CRYL1: variants seen among roughly 807,000 people sequenced by gnomAD.
The protein encoded by CRYL1 is lambda-crystallin homolog.
CRYL1 carries 29 observed loss-of-function variants against 36.6 expected under a neutral mutation model. The ratio of observed to expected loss-of-function variants is 0.79; its 90% CI spans 0.59 to 1.08. The LOEUF (loss-of-function observed/expected upper bound fraction) is 1.08. Among genes scored for constraint, CRYL1 ranks in the 50% least tolerant of loss-of-function variants. The probability of loss-of-function intolerance (pLI) is 0.00; values close to 1 mark genes in which losing one functional copy is unlikely to be tolerated. For missense variants in CRYL1, 411 were observed against 407.9 expected, an observed-to-expected ratio of 1.01 and a Z score of -0.06; for synonymous variants, 152 against 151.5, an observed-to-expected ratio of 1.00 and a Z score of -0.02.
intron 3 of CRYL1, among the ~76,000 whole-genome samples, chr13:20,440,939 G>A (rs903035766): frequency 3.9e-5 from 6 of 152,152 alleles, no homozygotes; most frequent in African/African-American, 1.4e-4. Context: ...GTCCACAGGC[G>A]AGGTGTTCCC....
At chr13:20,406,032 G>A (rs1371991895) in intron 6 of CRYL1, 1 of 152,390 alleles carries the variant, frequency 6.6e-6, no homozygotes, top group Non-Finnish European at 1.5e-5. Context: ...TTCTAGTCCT[G>A]GGCGCCATGG....
intron 3 of CRYL1, among the ~76,000 whole-genome samples, chr13:20,478,648 T>C (rs1453211267): frequency 3.3e-5 from 5 of 152,150 alleles, no homozygotes; most frequent in Admixed American, 2.0e-4. Context: ...ACTAATTTTT[T>C]GTATTTTTGG....
At chr13:20,516,583 C>T (rs1593503363) in intron 1 of CRYL1, among the ~76,000 whole-genome samples, 1 of 151,922 alleles carries the variant, frequency 6.6e-6, no homozygotes, top group East Asian at 2.0e-4. Context: ...GGGTTCACGC[C>T]ATTCTCCTGC....
intron 5 of CRYL1, chr13:20,431,417 C>T (rs2032056634): frequency 1.0e-6 from 1 of 985,278 alleles, no homozygotes; most frequent in Admixed American, 6.2e-5. Context: ...TGGGCAAGTG[C>T]CATAAGGGAG....
At chr13:20,465,949 A>G (rs1484488373) in intron 3 of CRYL1, among the ~76,000 whole-genome samples, 1 of 147,440 alleles carries the variant, frequency 6.8e-6, no homozygotes, top group Non-Finnish European at 1.5e-5. Flanking sequence ...GCTGGTTGAA[A>G]AAAAAAAAAA....
intron 1 of CRYL1, among the ~76,000 whole-genome samples, chr13:20,522,727 C>T (rs934667908): frequency 2.6e-5 from 4 of 152,092 alleles, no homozygotes; most frequent in African/African-American, 9.7e-5. Context: ...GCACCAGGAA[C>T]ATTTTGTGTT....
At chr13:20,446,109 TA>T (rs201457644) in intron 3 of CRYL1, among the ~76,000 whole-genome samples, 19 of 152,222 alleles carry the variant, frequency 1.2e-4, no homozygotes, top group Middle Eastern at 3.4e-3. Context: ...TTTAATTATT[TA>T]TTTTTTATTT....
At chr13:20,513,951 A>G (rs1252892936) in intron 1 of CRYL1, among the ~76,000 whole-genome samples, 15 of 151,912 alleles carry the variant, frequency 9.9e-5, no homozygotes, top group Admixed American at 3.9e-4. Context: ...GGCATGTCAA[A>G]GGGATAGGGG....
chr13:20,459,888 A>G (rs2032772302), intron 3 of CRYL1, among the ~76,000 whole-genome samples: 1 of 152,254 alleles, frequency 6.6e-6, no homozygotes. Flanking sequence ...CCGACACTGT[A>G]ACAAAATCAA....
chr13:20,477,966 C>T lies in CRYL1; in HGVS notation c.276+11404G>A, dbSNP rs865779885. 2.8e-3 allele frequency among the ~76,000 whole-genome samples: 378 copies of T among 137,428 alleles called. 1 individual carries two copies. The highest frequency in any genetic ancestry group is 7.8e-3 in the African/African-American group (287 of 36,878). The allele number at this position is 137,428 out of a possible 152,430, so 90.2% of individuals were successfully genotyped here. On this transcript the variant is annotated intron_variant, in intron 3 of 7. Coordinates refer to ENST00000298248, the MANE Select transcript of CRYL1 (RefSeq NM_015974.3). ...TTATCATTTTATAATATATATATTA[C>T]GTAGTTATATATATATATATGTATA... is the stretch of plus-strand genomic sequence containing the variant.
At chr13:20,508,876 C>CAAAACA (rs2033858757) in intron 2 of CRYL1, among the ~76,000 whole-genome samples, 6 of 41,422 alleles carry the variant, frequency 1.4e-4, no homozygotes, top group African/African-American at 5.2e-4. Context: ...AAAAAAAAAA[C>CAAAACA]AAAAAAAAAA....
At chr13:20,456,726 C>T (rs1405657756) in intron 3 of CRYL1, among the ~76,000 whole-genome samples, 3 of 151,912 alleles carry the variant, frequency 2.0e-5, no homozygotes, top group East Asian at 1.9e-4. Context: ...CTCTTCCTAG[C>T]CAGCTATGCT....
In CRYL1 at chr13:20,503,044, A is replaced by C. The variant is rs1413818332; in HGVS notation, c.149+9399T>G. 3.9e-5 allele frequency among the ~76,000 whole-genome samples: 6 copies of C among 152,188 alleles called. No homozygotes were observed. The East Asian group carries it at 1.2e-3, about 29-fold the overall frequency. ...CGGCCTCAGAATATGCAGCAAGATC[A>C]CTCGGAATCCTGCCGCCCAGAGTCA... On this transcript the variant is annotated intron_variant, in intron 2 of 7. Coordinates refer to ENST00000298248, the MANE Select transcript of CRYL1 (RefSeq NM_015974.3).
chr13:20,470,589 C>T (rs1565975226), intron 3 of CRYL1, among the ~76,000 whole-genome samples: 1 of 152,092 alleles, frequency 6.6e-6, no homozygotes. Flanking sequence ...TTCATTCCTC[C>T]CAGAGTCTCA....
Position 20,423,486 on chromosome 13 carries a change from TGTC to T in CRYL1, c.633+8613_633+8615del, listed in dbSNP as rs747445296. Among the ~76,000 whole-genome samples, 28 of 152,336 alleles carry T rather than the reference TGTC, an allele frequency of 1.8e-4. 1 individual carries two copies. The highest frequency in any genetic ancestry group is 3.4e-3 in the Middle Eastern group (1 of 294). On this transcript the variant is annotated intron_variant, in intron 5 of 7. Coordinates refer to ENST00000298248, the MANE Select transcript of CRYL1 (RefSeq NM_015974.3). ...TTTATTATAAAATGATGCTGAATGT[TGTC>T]GTGTGCTTTTTCTGCATCTGTTGAG... is the stretch of plus-strand genomic sequence containing the variant.
At chr13:20,405,722 A>C (rs1031298065) in intron 6 of CRYL1, among the ~76,000 whole-genome samples, 1 of 152,104 alleles carries the variant, frequency 6.6e-6, no homozygotes, top group Non-Finnish European at 1.5e-5. Context: ...GATTCTAAGG[A>C]GAGGGCCCTG....
rs1465643041 is a variant in CRYL1, at chr13:20,403,699, A to G, written c.*430T>C. The G allele has an allele frequency of 6.5e-6, 1 of 154,012 alleles. No homozygotes were observed. Among genetic ancestry groups the G allele is most frequent in the Admixed American group, 6.5e-5 (1 of 15,366 alleles). The allele number at this position is 154,012 out of a possible 1,614,324, so 9.5% of individuals were successfully genotyped here. ...AAGGAATCAAAAACTTTTATTCAGA[A>G]TAAGCGTTAGCAAAATGAAGGTAGG... On this transcript the variant is annotated 3_prime_UTR_variant, in exon 8 of 8. Transcript: ENST00000298248.
At chr13:20,491,099 G>A (rs922051852) in intron 2 of CRYL1, among the ~76,000 whole-genome samples, 2 of 151,988 alleles carry the variant, frequency 1.3e-5, no homozygotes, top group Admixed American at 1.3e-4. Context: ...TAGAGACGGG[G>A]TTTCGCCATG....
At position 20,414,967 on chromosome 13, in the gene CRYL1, G is replaced by C. The variant is rs376282819; in HGVS notation, c.634-1580C>G. Among the ~76,000 whole-genome samples the C allele has an allele frequency of 2.7e-4, 41 of 152,344 alleles. No homozygotes were observed. In the South Asian group the frequency reaches 8.3e-3, roughly 31 times the overall value. On this transcript the variant is annotated intron_variant, in intron 5 of 7. Coordinates refer to ENST00000298248, the MANE Select transcript of CRYL1 (RefSeq NM_015974.3). ...CCGCCCCAGGTCTCATCTGAGCGCT[G>C]TCTTTCACCAGAGCTCTGTAGGACT...
Sources: gnomAD v4.1 joint callset for allele counts (sites outside exome capture counted in the v4.1 genomes callset) on GRCh38, gnomAD v4.1.1 for gene constraint, MANE v1.5 for transcripts, NCBI Gene and HGNC (gene_info 2026-07-23, HGNC 2026-07-21) for gene names.